MAF: variants seen among roughly 807,000 people sequenced by gnomAD.
The protein encoded by MAF is MAF bZIP transcription factor.
In MAF, 10 loss-of-function variants were observed where a neutral mutation model predicts 22.0. The ratio of observed to expected loss-of-function variants is 0.45; its 90% CI spans 0.28 to 0.77. The LOEUF (loss-of-function observed/expected upper bound fraction) is 0.77. Among genes scored for constraint, MAF ranks in the 30% least tolerant of loss-of-function variants. The probability of loss-of-function intolerance (pLI) is 0.12; values close to 1 mark genes in which losing one functional copy is unlikely to be tolerated. For missense variants in MAF, 544 were observed against 548.4 expected (o/e 0.99, Z 0.08); for synonymous variants, 337 against 255.8 (o/e 1.32, Z -3.03).
At chr16:79,470,899 C>A in the MAF span, among the ~76,000 whole-genome samples, 1 of 152,188 alleles carries the variant, frequency 6.6e-6, no homozygotes, top group Non-Finnish European at 1.5e-5. Flanking sequence ...GAACCTGATG[C>A]AGTGAGAGGC....
the MAF span, among the ~76,000 whole-genome samples, chr16:79,537,555 C>A: frequency 4.6e-5 from 7 of 152,276 alleles, no homozygotes; most frequent in African/African-American, 1.7e-4. Context: ...CCGAACCTGG[C>A]TATAGGAGGA....
the MAF span, among the ~76,000 whole-genome samples, chr16:79,457,535 C>T: frequency 6.6e-6 from 1 of 152,060 alleles, no homozygotes; most frequent in African/African-American, 2.4e-5. Flanking sequence ...CAAATCCAAT[C>T]TGAAATATGC....
At chr16:79,381,915 T>G in the MAF span, among the ~76,000 whole-genome samples, 1 of 152,158 alleles carries the variant, frequency 6.6e-6, no homozygotes, top group African/African-American at 2.4e-5. Context: ...AGGTTTGAAC[T>G]TCCTCGCTTA....
chr16:79,455,452 G>A, the MAF span, among the ~76,000 whole-genome samples: 1 of 152,134 alleles, frequency 6.6e-6, no homozygotes, highest in Non-Finnish European at 1.5e-5. Flanking sequence ...TACATATAGT[G>A]GATGCTACAT....
the MAF span, among the ~76,000 whole-genome samples, chr16:79,220,542 G>GAT: frequency 2.0e-5 from 3 of 152,034 alleles, no homozygotes; most frequent in Non-Finnish European, 4.4e-5. Context: ...CGAACAGATA[G>GAT]ATATATGGTA....
At chr16:79,441,226 G>A in the MAF span, among the ~76,000 whole-genome samples, 10 of 152,100 alleles carry the variant, frequency 6.6e-5, no homozygotes, top group Non-Finnish European at 1.3e-4. Context: ...ACAGATTTCT[G>A]CTTTTGACAT....
intron 1 of MAF, chr16:79,598,240 C>T: frequency 5.7e-6 from 6 of 1,056,650 alleles, no homozygotes; most frequent in Non-Finnish European, 6.9e-6. Context: ...AGGTGGGCAA[C>T]ACAGCAAGCT....
At chr16:79,225,564 G>C in the MAF span, among the ~76,000 whole-genome samples, 1 of 152,208 alleles carries the variant, frequency 6.6e-6, no homozygotes, top group East Asian at 1.9e-4. Flanking sequence ...CACAGCAAAA[G>C]AAACTATCAT....
the MAF span, among the ~76,000 whole-genome samples, chr16:79,395,249 C>A: frequency 1.3e-5 from 2 of 152,140 alleles, no homozygotes; most frequent in Non-Finnish European, 2.9e-5. Context: ...GGAGCTGGAT[C>A]ATATTCTGAG....
At chr16:79,476,880 C>T in the MAF span, among the ~76,000 whole-genome samples, 16 of 152,130 alleles carry the variant, frequency 1.1e-4, no homozygotes, top group Non-Finnish European at 1.9e-4. Context: ...TCATTTCCTG[C>T]GGGAGCTCCT....
the MAF span, among the ~76,000 whole-genome samples, chr16:79,563,802 G>C: frequency 1.3e-5 from 2 of 152,128 alleles, no homozygotes; most frequent in Admixed American, 1.3e-4. Context: ...TTCTCAGGGA[G>C]TTTTCATATC....
the MAF span, among the ~76,000 whole-genome samples, chr16:79,319,574 G>A: frequency 1.4e-4 from 21 of 152,272 alleles, no homozygotes; most frequent in African/African-American, 5.1e-4. Flanking sequence ...GAAAGGGGCT[G>A]GGGGGACAAT....
the MAF span, among the ~76,000 whole-genome samples, chr16:79,278,179 A>G: frequency 2.6e-5 from 4 of 152,202 alleles, no homozygotes. Flanking sequence ...AAGTTCAGAG[A>G]CAGTCTCGGG....
chr16:79,345,902 T>C, the MAF span, among the ~76,000 whole-genome samples: 3 of 152,106 alleles, frequency 2.0e-5, no homozygotes, highest in African/African-American at 4.8e-5. Flanking sequence ...TTTTTTGCTT[T>C]GATTAGCTAT....
the MAF span, among the ~76,000 whole-genome samples, chr16:79,433,344 A>T: frequency 6.6e-6 from 1 of 151,366 alleles, no homozygotes; most frequent in East Asian, 1.9e-4. Flanking sequence ...TAACGGGACG[A>T]TGGAGTTGGT....
the MAF span, among the ~76,000 whole-genome samples, chr16:79,528,276 C>T: frequency 2.0e-5 from 3 of 152,184 alleles, no homozygotes; most frequent in African/African-American, 2.4e-5. Context: ...TGTCCCCTCT[C>T]ATGGCAGTCC....
At chr16:79,277,175 A>G in the MAF span, among the ~76,000 whole-genome samples, 1 of 152,060 alleles carries the variant, frequency 6.6e-6, no homozygotes, top group African/African-American at 2.4e-5. Context: ...AATGCTCCTT[A>G]GGCAGACGCC....
the MAF span, among the ~76,000 whole-genome samples, chr16:79,480,907 A>G: frequency 6.6e-6 from 1 of 152,190 alleles, no homozygotes; most frequent in Non-Finnish European, 1.5e-5. Context: ...AGAGATGTGG[A>G]TGAGGAGATG....
chr16:79,218,244 C>G, the MAF span, among the ~76,000 whole-genome samples: 34 of 138,728 alleles, frequency 2.5e-4, no homozygotes, highest in African/African-American at 7.3e-4. Context: ...CCCTTCCCCC[C>G]TCAAAGTCAT....
Sources: allele counts gnomAD v4.1 joint callset (sites outside exome capture counted in the v4.1 genomes callset), GRCh38; gene constraint gnomAD v4.1.1; transcripts MANE v1.5; gene names NCBI Gene and HGNC (gene_info 2026-07-23, HGNC 2026-07-21).